The following CLCN1 variants were observed in gnomAD, a reference collection of about 807,000 sequenced individuals.
The protein encoded by CLCN1 is chloride voltage-gated channel 1, also known as chloride channel protein 1.
A neutral mutation model predicts 114.5 loss-of-function variants in CLCN1; 100 were observed. The observed-to-expected ratio is 0.87, with a 90% CI of 0.74 to 1.03. The LOEUF is 1.03. CLCN1 is among the 50% of genes least tolerant of loss of function. The probability of loss-of-function intolerance (pLI) is 0.00; values close to 1 mark genes in which losing one functional copy is unlikely to be tolerated. For synonymous variants in CLCN1, 485 were observed against 487.1 expected (o/e 1.00, Z 0.06); for missense variants, 1,188 against 1,250.0 (o/e 0.95, Z 0.75).
rs1204663762 is a variant in CLCN1, at chr7:143,316,159, G to T, written c.-54G>T. On this transcript the variant is annotated 5_prime_UTR_variant, in exon 1 of 23. Transcript: ENST00000343257. ...CAGAGGCTTAAGGAGCTACACTGGG[G>T]GAAGGACAGGGGCAAGCAGGCCAAG... 6.9e-7 allele frequency: 1 copy of T among 1,446,506 alleles called. No homozygotes were observed. The highest frequency in any genetic ancestry group is 9.7e-7 in the Non-Finnish European group (1 of 1,031,808). The allele number at this position is 1,446,506 out of a possible 1,614,324, so 89.6% of individuals were successfully genotyped here.
At chr7:143,323,454 G>A in intron 6 of CLCN1, 68 bp downstream of exon 6, 1 of 1,108,894 alleles carries the variant, frequency 9.0e-7, no homozygotes, top group Non-Finnish European at 1.4e-6. Context: ...TGTCCAGGGT[G>A]TTGGGAGGGC....
Position 143,350,779 on chromosome 7 carries a change from T to TA in CLCN1, c.2595+125_2595+126insA. The TA allele has an allele frequency of 1.4e-6, 1 of 695,318 alleles. No individual in the cohort carries two copies. Among genetic ancestry groups the TA allele is most frequent in the Non-Finnish European group, 2.4e-6 (1 of 414,232 alleles). 43.1% of individuals were successfully genotyped at this position (695,318 alleles called of 1,614,324 possible). ...CCTCAGATTCCCTTCTCTATTTCTT[T>TA]CTTTTTTTTTTTTTTGAGACAGAGT... On this transcript the variant is annotated intron_variant, in intron 22 of 22. Coordinates refer to ENST00000343257, the MANE Select transcript of CLCN1 (RefSeq NM_000083.3). The surrounding 1 kb of genome is among the most constrained non-coding windows in gnomAD (Gnocchi z 5.1).
Position 143,334,231 on chromosome 7 carries a change from T to C in CLCN1, c.1401+1358T>C, listed in dbSNP as rs138696767. ...TCCTCAAGAAAAAAAAAAAAATTAT[T>C]GATTGCCCTTTTTTTTCTTTTGTGA... is the stretch of plus-strand genomic sequence containing the variant. On this transcript the variant is annotated intron_variant, in intron 12 of 22. Transcript: ENST00000343257. Among the ~76,000 whole-genome samples the C allele has an allele frequency of 2.8e-3, 425 of 152,204 alleles. 3 individuals carry two copies. The highest frequency in any genetic ancestry group is 9.7e-3 in the African/African-American group (404 of 41,518).
At chr7:143,341,483 T>C (rs1025267062) in intron 14 of CLCN1, among the ~76,000 whole-genome samples, 9 of 151,868 alleles carry the variant, frequency 5.9e-5, no homozygotes, top group Non-Finnish European at 8.8e-5. Flanking sequence ...CACTTGAACC[T>C]GGGAGGTGGA....
Position 143,316,363 on chromosome 7 carries a change from G to A in CLCN1, c.151G>A (p.Gly51Ser), listed in dbSNP as rs1487169721. The A allele has an allele frequency of 6.3e-7, 1 of 1,579,210 alleles. No individual in the cohort carries two copies. The highest frequency in any genetic ancestry group is 1.7e-5 in the Admixed American group (1 of 58,718). The change falls in exon 1 of 23, where the codon GGC becomes AGC. Residue 51 changes from glycine (G) to serine (S), a missense_variant. Coordinates refer to ENST00000343257, the MANE Select transcript of CLCN1 (RefSeq NM_000083.3). ...CCAGCACAGGCTCCGGAAGGATGCA[G>A]GCCCCCGCCACAACGTCCACCCCAC... ...GLQHRLRKDA[G>S]PRHNVHPTQI...
intron 7 of CLCN1, 103 bp from the exon 8 acceptor site, chr7:143,330,669 A>G: frequency 6.8e-7 from 1 of 1,478,414 alleles, no homozygotes; most frequent in East Asian, 2.3e-5. Flanking sequence ...GCTTCCACCC[A>G]GATTCATGTT....
chr7:143,342,746 A>G (rs1214043591), intron 16 of CLCN1, among the ~76,000 whole-genome samples: 3 of 152,204 alleles, frequency 2.0e-5, no homozygotes, highest in Admixed American at 2.0e-4. Flanking sequence ...AGGTGGGCAG[A>G]TCACCTGAGG....
At chr7:143,328,184 G>A (rs1304777251) in intron 7 of CLCN1, among the ~76,000 whole-genome samples, 4 of 152,092 alleles carry the variant, frequency 2.6e-5, no homozygotes, top group Admixed American at 6.6e-5. Context: ...CGGGGTTGAC[G>A]AGTCTGAAGC....
At position 143,337,807 on chromosome 7, in the gene CLCN1, C is replaced by CTTTTTTTTTTTTTTTTT. The variant is rs869078445; in HGVS notation, c.1402-1425_1402-1409dup. On this transcript the variant is annotated intron_variant, in intron 12 of 22. Coordinates refer to ENST00000343257, the MANE Select transcript of CLCN1 (RefSeq NM_000083.3). ...CTTTTTTCCATTCTATTTCTCAATT[C>CTTTTTTTTTTTTTTTTT]TTTTTTTTTTTTTTTTTTTTTTTTT... is the stretch of plus-strand genomic sequence containing the variant. Among the ~76,000 whole-genome samples the CTTTTTTTTTTTTTTTTT allele has an allele frequency of 3.3e-4, 15 of 46,046 alleles. 4 individuals are homozygous for CTTTTTTTTTTTTTTTTT. The highest frequency in any genetic ancestry group is 4.0e-4 in the Non-Finnish European group (10 of 24,862). 30.2% of individuals were successfully genotyped at this position (46,046 alleles called of 152,430 possible). A position where few individuals can be genotyped will look rare whatever the true frequency, so the allele number is the denominator to read the frequency against.
At chr7:143,322,449 G>T (rs768491676) in intron 5 of CLCN1, among the ~76,000 whole-genome samples, 1 of 152,168 alleles carries the variant, frequency 6.6e-6, no homozygotes, top group Non-Finnish European at 1.5e-5. Context: ...TTTTAAAAAT[G>T]GGATCAGTCT....
intron 12 of CLCN1, among the ~76,000 whole-genome samples, chr7:143,335,656 G>GTTTTTTTTTTTTTTTTTTTTTTTTTTTTT (rs199928109): frequency 9.3e-6 from 1 of 107,236 alleles, no homozygotes; most frequent in Non-Finnish European, 1.9e-5. Context: ...CAATTCAGCT[G>GTTTTTTTTTTTTTTTTTTTTTTTTTTTTT]TTTTGTTTTT....
chr7:143,336,721 T>C (rs1802913466), intron 12 of CLCN1, among the ~76,000 whole-genome samples: 1 of 152,062 alleles, frequency 6.6e-6, no homozygotes, highest in Non-Finnish European at 1.5e-5. Context: ...ACATTACTTC[T>C]GGATCTTTTC....
Position 143,339,749 on chromosome 7 carries a change from CT to C in CLCN1, c.1582+132del. On this transcript the variant is annotated intron_variant, in intron 14 of 22. Transcript: ENST00000343257. This position sits in a 1 kb window ranked among gnomAD's most constrained non-coding sequence, Gnocchi z 4.1. ...TTTAATTTAGTGCTACTTAACTCAA[CT>C]TTTACTCAGATAACATACCCATGGC... 3 of 716,132 alleles carry C rather than the reference CT, an allele frequency of 4.2e-6. No homozygotes were observed. The highest frequency in any genetic ancestry group is 7.6e-6 in the Non-Finnish European group (3 of 394,608). 44.4% of individuals were successfully genotyped at this position (716,132 alleles called of 1,614,324 possible).
At chr7:143,329,962 C>T (rs6954291) in intron 7 of CLCN1, among the ~76,000 whole-genome samples, 47,536 of 151,900 alleles carry the variant, frequency 0.31, 8,542 homozygotes, top group African/African-American at 0.5. Flanking sequence ...CCAACCCTTG[C>T]TCTTTTTCTG....
At chr7:143,319,194 G>A (rs1174386573) in intron 1 of CLCN1, among the ~76,000 whole-genome samples, 1 of 152,206 alleles carries the variant, frequency 6.6e-6, no homozygotes, top group Non-Finnish European at 1.5e-5. Context: ...TAGTTCTTGT[G>A]TGTGCATACA....
At position 143,332,522 on chromosome 7, in the gene CLCN1, C is replaced by T; in HGVS notation, c.1251+19C>T. 6.3e-7 allele frequency: 1 copy of T among 1,599,434 alleles called. No homozygotes were observed. Among genetic ancestry groups the T allele is most frequent in the East Asian group, 2.2e-5 (1 of 44,810 alleles). On this transcript the variant is annotated intron_variant, in intron 11 of 22. Transcript: ENST00000343257. ...TGGAGAGGTCAGCTGTTGGTGGGGC[C>T]ACATGGTAAAGAGGAAACAGCACAG...
At position 143,346,206 on chromosome 7, in the gene CLCN1, C is replaced by A; in HGVS notation, c.2239C>A (p.Pro747Thr). ...TCTGTCCCCAGAAGAGCCCAATGGG[C>A]CTCTGCCTGGCCACAAACAGCAGCC... The part of the protein sequence containing the change: ...APLSPEEPNG[P>T]LPGHKQQPEA... Residue 747 changes from proline (P) to threonine (T), a missense_variant, in exon 18 of 23, where the codon CCT (proline) becomes ACT (threonine). Pro to Thr is a conservative substitution (Grantham distance 38, BLOSUM62 -1). Coordinates refer to ENST00000343257, the MANE Select transcript of CLCN1 (RefSeq NM_000083.3). 6.2e-7 allele frequency: 1 copy of A among 1,613,744 alleles called. No homozygotes were observed. Among genetic ancestry groups the A allele is most frequent in the Non-Finnish European group, 8.5e-7 (1 of 1,179,790 alleles).
intron 2 of CLCN1, 140 bp downstream of exon 2, chr7:143,320,015 G>T: frequency 4.6e-6 from 4 of 862,854 alleles, no homozygotes; most frequent in South Asian, 2.9e-5. Flanking sequence ...AAGAGACAGG[G>T]TCTCACTCTG....
chr7:143,327,798 C>A (rs185716241), intron 7 of CLCN1, among the ~76,000 whole-genome samples: 1 of 152,056 alleles, frequency 6.6e-6, no homozygotes, highest in South Asian at 2.1e-4. Context: ...GGACTACATG[C>A]GCACGCCACT....
Sources: gnomAD v4.1 joint callset for allele counts (sites outside exome capture counted in the v4.1 genomes callset) on GRCh38, gnomAD v4.1.1 for gene constraint, Gnocchi (gnomAD v3.1) non-coding constraint, MANE v1.5 for transcripts, NCBI Gene and HGNC (gene_info 2026-07-23, HGNC 2026-07-21) for gene names.